ATXN1: variants seen among roughly 807,000 people sequenced by gnomAD.
ATXN1 encodes ataxin 1.
Under a neutral mutation model 56.4 loss-of-function variants are expected in ATXN1, and 8 were observed. That is an observed-to-expected ratio of 0.14 (90% CI 0.08 to 0.26). The LOEUF (loss-of-function observed/expected upper bound fraction) is 0.26. Ranked by LOEUF, ATXN1 falls within the 10% of genes least tolerant of loss-of-function variation. The probability of loss-of-function intolerance (pLI) is 1.00; values close to 1 mark genes in which losing one functional copy is unlikely to be tolerated. For missense variants in ATXN1, 987 were observed against 1,106.5 expected (o/e 0.89, Z 1.53); for synonymous variants, 514 against 494.6 (o/e 1.04, Z -0.52).
intron 6 of ATXN1, among the ~76,000 whole-genome samples, chr6:16,414,022 T>C (rs1369125516): frequency 6.6e-6 from 1 of 152,248 alleles, no homozygotes; most frequent in Non-Finnish European, 1.5e-5. Flanking sequence ...GTAAAAGTGA[T>C]GCTTAATTTG....
intron 6 of ATXN1, among the ~76,000 whole-genome samples, chr6:16,451,368 G>A (rs1218229000): frequency 6.6e-6 from 1 of 152,248 alleles, no homozygotes; most frequent in East Asian, 1.9e-4. Context: ...AGGAGGCTGA[G>A]GCAGAAGAAT....
intron 3 of ATXN1, among the ~76,000 whole-genome samples, chr6:16,620,250 CTCTG>C (rs1213691390): frequency 1.4e-3 from 199 of 145,714 alleles, no homozygotes; most frequent in African/African-American, 2.2e-3. Flanking sequence ...CTCTCTCTCT[CTCTG>C]TCTCTCAAAC....
chr6:16,468,147 G>T (rs1441426651), intron 6 of ATXN1, among the ~76,000 whole-genome samples: 3 of 152,084 alleles, frequency 2.0e-5, no homozygotes, highest in Non-Finnish European at 2.9e-5. Flanking sequence ...ACTAAAGTAA[G>T]AATTTGGTTT....
chr6:16,759,028 C>T (rs984761528), intron 1 of ATXN1, among the ~76,000 whole-genome samples: 6 of 152,164 alleles, frequency 3.9e-5, no homozygotes, highest in African/African-American at 1.4e-4. Context: ...ATCAAATAAA[C>T]CGAAGGGTGG....
At chr6:16,416,781 C>T (rs75896125) in intron 6 of ATXN1, among the ~76,000 whole-genome samples, 369 of 152,268 alleles carry the variant, frequency 2.4e-3, no homozygotes, top group African/African-American at 8.4e-3. Context: ...GTGTTACAGC[C>T]GAGCTGGTAC....
chr6:16,552,699 T>A (rs149370345), intron 4 of ATXN1, among the ~76,000 whole-genome samples: 8 of 152,358 alleles, frequency 5.3e-5, no homozygotes, highest in Admixed American at 4.6e-4. Flanking sequence ...ACAGAAATAA[T>A]TACTATCCGC....
At chr6:16,697,961 G>C (rs1238254112) in intron 2 of ATXN1, among the ~76,000 whole-genome samples, 1 of 152,128 alleles carries the variant, frequency 6.6e-6, no homozygotes, top group Non-Finnish European at 1.5e-5. Context: ...AGAGCAGAAT[G>C]AGGTCCCTTC....
rs945453058 is a variant in ATXN1, at chr6:16,302,937, C to T, written c.*3392G>A. 4.6e-5 allele frequency: 7 copies of T among 152,660 alleles called. No individual in the cohort carries two copies. Among genetic ancestry groups the T allele is most frequent in the African/African-American group, 1.7e-4 (7 of 41,454 alleles). The allele number at this position is 152,660 out of a possible 1,614,324, so 9.5% of individuals were successfully genotyped here. A position where few individuals can be genotyped will look rare whatever the true frequency, so the allele number is the denominator to read the frequency against. ...GAGGCTGCTCTGGGAGCCTCGGGGC[C>T]CGCCAACGTCTGCAAACAGGAGGCT... is the stretch of plus-strand genomic sequence containing the variant. On this transcript the variant is annotated 3_prime_UTR_variant, in exon 8 of 8. Coordinates refer to ENST00000436367, the MANE Select transcript of ATXN1 (RefSeq NM_001128164.2).
intron 6 of ATXN1, among the ~76,000 whole-genome samples, chr6:16,374,443 C>T (rs1762106370): frequency 6.6e-6 from 1 of 152,184 alleles, no homozygotes; most frequent in South Asian, 2.1e-4. Context: ...CCTATAAATG[C>T]CGTATATAAC....
At chr6:16,710,426 G>C (rs1019673744) in intron 2 of ATXN1, among the ~76,000 whole-genome samples, 2 of 151,920 alleles carry the variant, frequency 1.3e-5, no homozygotes, top group African/African-American at 2.4e-5. Context: ...AGGCTTTTTT[G>C]GGGGGTAGGG....
At chr6:16,475,646 A>G (rs1459946737) in intron 6 of ATXN1, among the ~76,000 whole-genome samples, 3 of 152,192 alleles carry the variant, frequency 2.0e-5, no homozygotes, top group African/African-American at 7.2e-5. Context: ...AATGTGATTC[A>G]AAGAGTCTCT....
chr6:16,343,261 C>T (rs1370203529), intron 6 of ATXN1, among the ~76,000 whole-genome samples: 2 of 152,094 alleles, frequency 1.3e-5, no homozygotes, highest in Non-Finnish European at 2.9e-5. Context: ...AGGAGAATGG[C>T]GTGAACCTGG....
At chr6:16,427,045 G>A (rs1446480739) in intron 6 of ATXN1, among the ~76,000 whole-genome samples, 2 of 152,242 alleles carry the variant, frequency 1.3e-5, no homozygotes, top group Admixed American at 6.5e-5. Flanking sequence ...TCGGAGAAGA[G>A]CAGGAGGCAT....
chr6:16,422,029 C>T (rs1759047201), intron 6 of ATXN1, among the ~76,000 whole-genome samples: 2 of 151,210 alleles, frequency 1.3e-5, no homozygotes, highest in African/African-American at 4.9e-5. Context: ...AGATCTTCAT[C>T]TTTTGAAGTA....
intron 4 of ATXN1, among the ~76,000 whole-genome samples, chr6:16,563,657 G>A (rs1342480203): frequency 6.6e-6 from 1 of 152,068 alleles, no homozygotes; most frequent in African/African-American, 2.4e-5. Context: ...GGGTGTGAGG[G>A]TTCAAGTTGA....
At position 16,390,680 on chromosome 6, in the gene ATXN1, TCAC is replaced by T. The variant is rs1235661302; in HGVS notation, c.-160-62213_-160-62211del. Among the ~76,000 whole-genome samples, 603 of 147,262 alleles carry T rather than the reference TCAC, an allele frequency of 4.1e-3. 7 individuals carry two copies. Among genetic ancestry groups the T allele is most frequent in the African/African-American group, 0.014 (582 of 40,162 alleles). On this transcript the variant is annotated intron_variant, in intron 6 of 7. Transcript: ENST00000436367. ...AGATTCAAGGAGTCAAATAAACACA[TCAC>T]ACACACACACACACACACACACACG...
At chr6:16,496,791 T>C (rs1444421764) in intron 5 of ATXN1, among the ~76,000 whole-genome samples, 1 of 152,026 alleles carries the variant, frequency 6.6e-6, no homozygotes, top group African/African-American at 2.4e-5. Context: ...TATTTAAAAC[T>C]CTTTAGAATT....
At chr6:16,351,628 C>A (rs1387864820) in intron 6 of ATXN1, among the ~76,000 whole-genome samples, 1 of 152,116 alleles carries the variant, frequency 6.6e-6, no homozygotes, top group African/African-American at 2.4e-5. Flanking sequence ...GTCTTGAACT[C>A]TTGGGCTCAA....
At chr6:16,684,290 T>G (rs935817964) in intron 2 of ATXN1, among the ~76,000 whole-genome samples, 1 of 152,208 alleles carries the variant, frequency 6.6e-6, no homozygotes, top group Non-Finnish European at 1.5e-5. Flanking sequence ...GATTGCTTCC[T>G]GTGGACCAAG....
Sources: allele counts gnomAD v4.1 joint callset (sites outside exome capture counted in the v4.1 genomes callset), GRCh38; gene constraint gnomAD v4.1.1; transcripts MANE v1.5; gene names NCBI Gene and HGNC (gene_info 2026-07-23, HGNC 2026-07-21).